The following STUM variants were observed in gnomAD, a reference collection of about 807,000 sequenced individuals.
The protein encoded by STUM is protein stum homolog.
Under a neutral mutation model 15.3 loss-of-function variants are expected in STUM, and 8 were observed. The ratio of observed to expected loss-of-function variants is 0.52; its 90% CI spans 0.31 to 0.94. The LOEUF (loss-of-function observed/expected upper bound fraction) is 0.94, where lower values mean the gene tolerates loss of function less well. STUM is among the 40% of genes least tolerant of loss of function. The pLI is 0.05. For missense variants in STUM, 142 were observed against 204.9 expected, an observed-to-expected ratio of 0.69 and a Z score of 1.87; for synonymous variants, 78 against 88.7, an observed-to-expected ratio of 0.88 and a Z score of 0.68.
At chr1:226,588,809 G>C (rs1053818550) in intron 1 of STUM, among the ~76,000 whole-genome samples, 1 of 152,210 alleles carries the variant, frequency 6.6e-6, no homozygotes, top group Non-Finnish European at 1.5e-5. Flanking sequence ...GAACTAGGCA[G>C]CCCTTGGCAA....
Position 226,607,761 on chromosome 1 carries a change from C to T in STUM, c.*5721C>T, listed in dbSNP as rs978284960. On this transcript the variant is annotated 3_prime_UTR_variant, in exon 4 of 4. Transcript: ENST00000366788. ...GGGAAACTCGGCCCTCAAACCCTCT[C>T]CCTCTCTGCCTGAATTTGCCAAAAT... 5.9e-5 allele frequency: 9 copies of T among 152,298 alleles called. No individual in the cohort carries two copies. Among genetic ancestry groups the T allele is most frequent in the Admixed American group, 1.3e-4 (2 of 15,292 alleles). 9.4% of individuals were successfully genotyped at this position (152,298 alleles called of 1,614,324 possible).
At chr1:226,601,696 A>G (rs775597015) in intron 3 of STUM, among the ~76,000 whole-genome samples, 2 of 152,172 alleles carry the variant, frequency 1.3e-5, no homozygotes, top group Non-Finnish European at 2.9e-5. Context: ...GGGAAAGCAC[A>G]CCAGACCAGT....
intron 2 of STUM, among the ~76,000 whole-genome samples, chr1:226,598,600 G>A (rs1421877882): frequency 3.9e-5 from 6 of 152,216 alleles, no homozygotes; most frequent in African/African-American, 4.8e-5. Flanking sequence ...AGGCATTGAG[G>A]CCCCAGAAGT....
chr1:226,582,439 C>G (rs937052260), intron 1 of STUM, among the ~76,000 whole-genome samples: 1 of 151,928 alleles, frequency 6.6e-6, no homozygotes, highest in African/African-American at 2.4e-5. Context: ...CTAAAAAGTA[C>G]AAAAAATTAG....
chr1:226,598,305 G>A (rs1668214859), intron 2 of STUM, among the ~76,000 whole-genome samples: 1 of 152,186 alleles, frequency 6.6e-6, no homozygotes, highest in Non-Finnish European at 1.5e-5. Context: ...AGGTGCTTCT[G>A]CCCTCAGAAG....
In STUM at chr1:226,549,190, T is replaced by C. The variant is rs1667328124; in HGVS notation, c.202+84T>C. 1.8e-5 allele frequency: 22 copies of C among 1,230,408 alleles called. No homozygotes were observed. The highest frequency in any genetic ancestry group is 4.5e-6 in the Non-Finnish European group (4 of 889,308). 76.2% of individuals were successfully genotyped at this position (1,230,408 alleles called of 1,614,324 possible). A position where few individuals can be genotyped will look rare whatever the true frequency, so the allele number is the denominator to read the frequency against. On this transcript the variant is annotated intron_variant, in intron 1 of 3. Transcript: ENST00000366788. This position sits in a 1 kb window ranked among gnomAD's most constrained non-coding sequence, Gnocchi z 6.8. ...GGAGAGAAGGGCGCGGCCGGAGACCTCCTGGCGGGGCCGCGCGCTCCAAGT... is the reference window on the plus strand; with the variant it reads ...GGAGAGAAGGGCGCGGCCGGAGACCCCCTGGCGGGGCCGCGCGCTCCAAGT...
In STUM at chr1:226,600,931, C is replaced by A. The variant is rs912650802; in HGVS notation, c.391+257C>A. The stretch of plus-strand genomic sequence containing the variant: ...GGCCAGCCTCCTTTCCTCTGTCATT[C>A]GCCACATCTCCCCTACCCCAGCATG... On this transcript the variant is annotated intron_variant, in intron 3 of 3. Transcript: ENST00000366788. The surrounding 1 kb of genome is among the most constrained non-coding windows in gnomAD (Gnocchi z 5.2). Among the ~76,000 whole-genome samples, 1 of 152,174 alleles carries A rather than the reference C, an allele frequency of 6.6e-6. No homozygotes were observed. Among genetic ancestry groups the A allele is most frequent in the African/African-American group, 2.4e-5 (1 of 41,432 alleles).
chr1:226,579,766 T>A (rs1470876334), intron 1 of STUM, among the ~76,000 whole-genome samples: 3 of 151,992 alleles, frequency 2.0e-5, no homozygotes, highest in Non-Finnish European at 4.4e-5. Context: ...TAACTGGAAC[T>A]ACAGGCACAT....
chr1:226,569,073 T>C (rs1284133643), intron 1 of STUM, among the ~76,000 whole-genome samples: 1 of 152,052 alleles, frequency 6.6e-6, no homozygotes, highest in Admixed American at 6.5e-5. Context: ...CTTTTTTTTT[T>C]TTCTGAAGGA....
At position 226,548,993 on chromosome 1, in the gene STUM, G is replaced by A; in HGVS notation, c.89G>A (p.Gly30Glu). 6.4e-7 allele frequency: 1 copy of A among 1,551,672 alleles called. No homozygotes were observed. ...CCCCGGGGGGCGTCCTCGTCCAGCG[G>A]GGTGGTGGTGCAGGTCCGCGAGAAG... Reference protein sequence around the residue: ...ADPRGASSSSGVVVQVREKKG... With the variant: ...ADPRGASSSSEVVVQVREKKG... The change falls in exon 1 of 4, where the codon GGG becomes GAG. Residue 30 changes from glycine (G) to glutamate (E), a missense_variant. Gly to Glu is a moderately conservative substitution (Grantham distance 98). Around this residue, in one of 2 missense-constraint regions of STUM, gnomAD observed 113 missense variants for 134.4 expected, o/e 0.84. Transcript: ENST00000366788.
chr1:226,549,119 T>TGCCGCGACCCTTGCGACC lies in STUM; in HGVS notation c.202+14_202+31dup. 3.2e-6 allele frequency: 5 copies of TGCCGCGACCCTTGCGACC among 1,568,502 alleles called. No homozygotes were observed. The highest frequency in any genetic ancestry group is 3.4e-6 in the Non-Finnish European group (4 of 1,160,008). On this transcript the variant is annotated intron_variant, in intron 1 of 3. Coordinates refer to ENST00000366788, the MANE Select transcript of STUM (RefSeq NM_001003665.4). The surrounding 1 kb of genome is among the most constrained non-coding windows in gnomAD (Gnocchi z 6.8). ...GTGCCGGGACTGGGTAAGACACGGC[T>TGCCGCGACCCTTGCGACC]GCCGCGACCCTTGCGACCCCCACCC...
intron 3 of STUM, among the ~76,000 whole-genome samples, chr1:226,601,715 G>A (rs902084422): frequency 4.6e-5 from 7 of 152,126 alleles, no homozygotes; most frequent in Admixed American, 2.0e-4. Context: ...GTCTGTAAGC[G>A]GCTTCCAGAT....
chr1:226,550,713 C>T (rs547779856), intron 1 of STUM, among the ~76,000 whole-genome samples: 4 of 152,030 alleles, frequency 2.6e-5, no homozygotes, highest in Non-Finnish European at 5.9e-5. Context: ...AGGAAACCAC[C>T]TTGTGGGAGA....
At position 226,548,789 on chromosome 1, in the gene STUM, G is replaced by C. The variant is rs1367059216; in HGVS notation, c.-116G>C. 1.2e-6 allele frequency: 1 copy of C among 859,146 alleles called. No homozygotes were observed. 53.2% of individuals were successfully genotyped at this position (859,146 alleles called of 1,614,324 possible). A position where few individuals can be genotyped will look rare whatever the true frequency, so the allele number is the denominator to read the frequency against. ...GCGAGCCGCGCGGCGCACGGAGCACGGCGGCCGCCTGAGCTCGGCGCGGAG... is the reference window on the plus strand; with the variant it reads ...GCGAGCCGCGCGGCGCACGGAGCACCGCGGCCGCCTGAGCTCGGCGCGGAG... On this transcript the variant is annotated 5_prime_UTR_variant, in exon 1 of 4. Transcript: ENST00000366788.
In STUM at chr1:226,600,676, T is replaced by C. The variant is rs1208528634; in HGVS notation, c.391+2T>C. The C allele has an allele frequency of 6.2e-7, 1 of 1,611,044 alleles. No homozygotes were observed. The highest frequency in any genetic ancestry group is 2.2e-5 in the East Asian group (1 of 44,874). ...TCTGTGCTGCTGCAGTTTCCCAAGG[T>C]GAGTCTGCGGATGGACGTGCGGGCC... On this transcript the variant is annotated splice_donor_variant, in intron 3 of 3. Transcript: ENST00000366788. LOFTEE classifies it high-confidence loss of function. This position sits in a 1 kb window ranked among gnomAD's most constrained non-coding sequence, Gnocchi z 5.2.
rs534245654 is a variant in STUM at position 226,573,204 on chromosome 1, T to G, written c.203-23598T>G. On this transcript the variant is annotated intron_variant, in intron 1 of 3. Transcript: ENST00000366788. ...TCGGTCTGCCATTCCTGACCGGCCC[T>G]TTCTAACCTTGGCCAGGTCAATTAA... Among the ~76,000 whole-genome samples the G allele has an allele frequency of 5.3e-5, 8 of 152,376 alleles. No individual in the cohort carries two copies. The South Asian group carries it at 1.7e-3, about 32-fold the overall frequency.
At chr1:226,580,688 G>A (rs1181586985) in intron 1 of STUM, among the ~76,000 whole-genome samples, 4 of 152,088 alleles carry the variant, frequency 2.6e-5, no homozygotes, top group Non-Finnish European at 4.4e-5. Context: ...TTGCCCCACT[G>A]CTCCCCATGC....
chr1:226,586,532 G>T (rs1052300142), intron 1 of STUM, among the ~76,000 whole-genome samples: 8 of 152,124 alleles, frequency 5.3e-5, no homozygotes, highest in Non-Finnish European at 2.9e-5. Flanking sequence ...CACCATTATG[G>T]CAAGGGGTCA....
At position 226,600,824 on chromosome 1, in the gene STUM, A is replaced by G. The variant is rs986304358; in HGVS notation, c.391+150A>G. On this transcript the variant is annotated intron_variant, in intron 3 of 3. Transcript: ENST00000366788. The surrounding 1 kb of genome is among the most constrained non-coding windows in gnomAD (Gnocchi z 5.2). Reference sequence around the variant, plus strand: ...TTAGCTTGAACTTTTGGTTTGGAAAATGCTTAAACATAGACAAAAGTAGAG... The same window carrying G: ...TTAGCTTGAACTTTTGGTTTGGAAAGTGCTTAAACATAGACAAAAGTAGAG... The G allele has an allele frequency of 9.5e-6, 8 of 843,436 alleles. No individual in the cohort carries two copies. Among genetic ancestry groups the G allele is most frequent in the Middle Eastern group, 2.8e-4 (1 of 3,522 alleles). 52.2% of individuals were successfully genotyped at this position (843,436 alleles called of 1,614,324 possible). A position where few individuals can be genotyped will look rare whatever the true frequency, so the allele number is the denominator to read the frequency against.
Sources: allele counts gnomAD v4.1 joint callset (sites outside exome capture counted in the v4.1 genomes callset), GRCh38; gene constraint gnomAD v4.1.1; regional missense constraint gnomAD v4.1.1; non-coding constraint Gnocchi (gnomAD v3.1); transcripts MANE v1.5; gene names NCBI Gene and HGNC (gene_info 2026-07-23, HGNC 2026-07-21).